Variants in PTK2 observed in about 807,000 individuals in gnomAD.
PTK2 encodes protein tyrosine kinase 2, also known as focal adhesion kinase 1.
In PTK2, 45 loss-of-function variants were observed where a neutral mutation model predicts 150.1. The ratio of observed to expected loss-of-function variants is 0.30; its 90% CI spans 0.24 to 0.38. The LOEUF (loss-of-function observed/expected upper bound fraction) is 0.38. PTK2 is among the 10% of genes least tolerant of loss of function. The pLI, the probability that PTK2 is intolerant of heterozygous loss-of-function variation, is 1.00. For missense variants in PTK2, 919 were observed against 1,307.3 expected, an observed-to-expected ratio of 0.70 and a Z score of 4.58; for synonymous variants, 432 against 449.2, an observed-to-expected ratio of 0.96 and a Z score of 0.48.
chr8:140,860,766 A>G lies in PTK2; in HGVS notation c.450+3546T>C, dbSNP rs185632695. 1.4e-3 allele frequency among the ~76,000 whole-genome samples: 207 copies of G among 152,140 alleles called. 1 individual carries two copies. The highest frequency in any genetic ancestry group is 6.8e-3 in the Middle Eastern group (2 of 294). ...TGGGATCACAGGCGTTAGCCACCGC[A>G]CCCAGACAATCATAGTATTTTCTTT... On this transcript the variant is annotated intron_variant, in intron 5 of 31. Coordinates refer to ENST00000522684, the Ensembl canonical transcript of PTK2.
At chr8:140,872,623 TG>T (rs1202661558) in intron 4 of PTK2, among the ~76,000 whole-genome samples, 1 of 152,202 alleles carries the variant, frequency 6.6e-6, no homozygotes, top group African/African-American at 2.4e-5. Flanking sequence ...CAGACCCTAA[TG>T]GTCAACAGAA....
intron 7 of PTK2, among the ~76,000 whole-genome samples, chr8:140,831,189 C>T (rs760913330): frequency 4.6e-5 from 7 of 152,164 alleles, no homozygotes; most frequent in African/African-American, 1.2e-4. Context: ...AGAACCTCAA[C>T]GCTCTGGCCA....
At chr8:140,934,531 C>G (rs2100172975) in intron 1 of PTK2, 2 of 152,112 alleles carry the variant, frequency 1.3e-5, no homozygotes, top group African/African-American at 4.8e-5. Context: ...TAGAACACAA[C>G]CATCCCAACA....
chr8:140,943,719 C>T (rs1022208853), intron 1 of PTK2, among the ~76,000 whole-genome samples: 1 of 152,182 alleles, frequency 6.6e-6, no homozygotes, highest in African/African-American at 2.4e-5. Context: ...AACTGTCTCA[C>T]ATTCTTGTCA....
At chr8:140,902,327 G>A (rs1339701456) in intron 2 of PTK2, among the ~76,000 whole-genome samples, 1 of 152,172 alleles carries the variant, frequency 6.6e-6, no homozygotes, top group Non-Finnish European at 1.5e-5. Flanking sequence ...GAGCCACCGT[G>A]CCCAGCCACC....
intron 17 of PTK2, 46 bp downstream of exon 20, chr8:140,752,185 CA>C: frequency 6.8e-7 from 1 of 1,460,894 alleles, no homozygotes; most frequent in East Asian, 2.3e-5. Context: ...TTGGATTTCA[CA>C]GATAGAAAGT....
intron 22 of PTK2, among the ~76,000 whole-genome samples, chr8:140,724,124 G>T (rs1302074463): frequency 6.6e-6 from 1 of 152,174 alleles, no homozygotes; most frequent in Non-Finnish European, 1.5e-5. Context: ...CCCAGAAGAA[G>T]CAACAGATAG....
upstream of PTK2, chr8:141,001,356 C>A (rs1277766663): frequency 6.7e-6 from 1 of 149,920 alleles, no homozygotes; most frequent in Admixed American, 6.6e-5. Flanking sequence ...CAGCGCACGC[C>A]CGACCCGGTC....
intron 1 of PTK2, among the ~76,000 whole-genome samples, chr8:140,994,183 A>C (rs1201590618): frequency 3.9e-5 from 6 of 152,246 alleles, no homozygotes; most frequent in African/African-American, 1.4e-4. Context: ...AAACATGTAA[A>C]CTTTGTAGTG....
Position 140,789,527 on chromosome 8 carries a change from C to T in PTK2, c.1125-1G>A. The T allele has an allele frequency of 6.2e-7, 1 of 1,612,648 alleles. No individual in the cohort carries two copies. The highest frequency in any genetic ancestry group is 1.3e-5 in the African/African-American group (1 of 75,004). On this transcript the variant is annotated splice_acceptor_variant, in intron 13 of 31. Coordinates refer to ENST00000522684, the Ensembl canonical transcript of PTK2. LOFTEE classifies it high-confidence loss of function. ...GCCTTGCTTTTCGCTGTTGGCCAAC[C>T]TGTGACAGACAAGAGCAAAGCTGTA...
At chr8:140,914,135 T>C (rs2100164261) in intron 2 of PTK2, among the ~76,000 whole-genome samples, 1 of 152,164 alleles carries the variant, frequency 6.6e-6, no homozygotes, top group African/African-American at 2.4e-5. Context: ...GTAAAGAAGT[T>C]AATATACACC....
chr8:140,751,515 CAG>C (rs1398262383), intron 17 of PTK2, among the ~76,000 whole-genome samples: 1 of 150,540 alleles, frequency 6.6e-6, no homozygotes, highest in Non-Finnish European at 1.5e-5. Context: ...TTTTTTGAGG[CAG>C]AGATTGCTCT....
chr8:140,804,735 A>T (rs984434018), intron 10 of PTK2, among the ~76,000 whole-genome samples: 1 of 152,168 alleles, frequency 6.6e-6, no homozygotes, highest in African/African-American at 2.4e-5. Flanking sequence ...ATTGTTCAGA[A>T]AGAGGTTCAC....
At position 140,973,927 on chromosome 8, in the gene PTK2, C is replaced by T. The variant is rs549152256; in HGVS notation, c.-122+27198G>A. Reference sequence around the variant, plus strand: ...TATATCTTTGCCCCATCACACTTTGCCTTTAATAGAAGTCACAATTTTTCT... The same window carrying T: ...TATATCTTTGCCCCATCACACTTTGTCTTTAATAGAAGTCACAATTTTTCT... On this transcript the variant is annotated intron_variant, in intron 1 of 31. Coordinates refer to ENST00000522684, the Ensembl canonical transcript of PTK2. Among the ~76,000 whole-genome samples, 8 of 152,266 alleles carry T rather than the reference C, an allele frequency of 5.3e-5. No homozygotes were observed. The South Asian group carries it at 1.7e-3, about 32-fold the overall frequency.
chr8:141,000,093 A>ACACACG (rs1184532815), intron 1 of PTK2, among the ~76,000 whole-genome samples: 1 of 146,836 alleles, frequency 6.8e-6, no homozygotes, highest in Non-Finnish European at 1.5e-5. Context: ...CAATTCACAC[A>ACACACG]CACACACACA....
At chr8:140,665,807 A>G (rs982399859) in intron 30 of PTK2, among the ~76,000 whole-genome samples, 3 of 152,216 alleles carry the variant, frequency 2.0e-5, no homozygotes, top group African/African-American at 7.2e-5. Context: ...AAATCTTAGT[A>G]TGTACAAAAT....
At chr8:140,914,064 G>A (rs2121930) in intron 2 of PTK2, among the ~76,000 whole-genome samples, 147,033 of 152,246 alleles carry the variant, frequency 0.97, 71,188 homozygotes, top group East Asian at 1. Context: ...ATTTTATACA[G>A]TTTTTAAGAA....
At chr8:140,761,626 T>C (rs1017298742) in intron 15 of PTK2, among the ~76,000 whole-genome samples, 2 of 152,154 alleles carry the variant, frequency 1.3e-5, no homozygotes, top group Non-Finnish European at 2.9e-5. Flanking sequence ...TAGGTATTAA[T>C]ATATGAAGGC....
intron 1 of PTK2, among the ~76,000 whole-genome samples, chr8:140,939,057 G>A (rs926845467): frequency 6.6e-6 from 1 of 151,618 alleles, no homozygotes; most frequent in Non-Finnish European, 1.5e-5. Flanking sequence ...ATCTTCTTAC[G>A]TGAATAAAAG....
Sources: gnomAD v4.1 joint callset for allele counts (sites outside exome capture counted in the v4.1 genomes callset) on GRCh38, gnomAD v4.1.1 for gene constraint, MANE v1.5 for transcripts, NCBI Gene and HGNC (gene_info 2026-07-23, HGNC 2026-07-21) for gene names.